The following SGCZ variants were observed in gnomAD, a reference collection of about 807,000 sequenced individuals.
The protein encoded by SGCZ is zeta-sarcoglycan.
A neutral mutation model predicts 41.3 loss-of-function variants in SGCZ; 40 were observed. The observed-to-expected ratio is 0.97, with a 90% CI of 0.75 to 1.26. The LOEUF is 1.26. Among genes scored for constraint, SGCZ ranks in the 50% most tolerant of loss-of-function variants. The pLI is 0.00. For synonymous variants in SGCZ, 206 were observed against 137.5 expected (o/e 1.50, Z -3.49); for missense variants, 552 against 369.8 (o/e 1.49, Z -4.04).
intron 1 of SGCZ, among the ~76,000 whole-genome samples, chr8:14,696,163 G>T (rs1808953965): frequency 6.6e-6 from 1 of 151,992 alleles, no homozygotes; most frequent in Non-Finnish European, 1.5e-5. Flanking sequence ...TTATACATGG[G>T]TTGACATTAT....
chr8:14,814,037 A>G (rs1801819285), intron 1 of SGCZ, among the ~76,000 whole-genome samples: 1 of 152,200 alleles, frequency 6.6e-6, no homozygotes, highest in Non-Finnish European at 1.5e-5. Context: ...TGGAGGCCCT[A>G]GCACAGTATG....
chr8:14,240,119 G>A (rs1362124596), intron 3 of SGCZ, among the ~76,000 whole-genome samples: 1 of 151,640 alleles, frequency 6.6e-6, no homozygotes, highest in Non-Finnish European at 1.5e-5. Flanking sequence ...CTGAGGCCAG[G>A]AGTTTGAAAC....
At chr8:14,421,725 C>T (rs553469106) in intron 2 of SGCZ, among the ~76,000 whole-genome samples, 1 of 152,164 alleles carries the variant, frequency 6.6e-6, no homozygotes, top group East Asian at 1.9e-4. Context: ...TTAATTCATC[C>T]CAAGCGCTAT....
intron 1 of SGCZ, among the ~76,000 whole-genome samples, chr8:14,829,463 T>G (rs910135463): frequency 6.6e-6 from 1 of 152,200 alleles, no homozygotes. Context: ...TCCATGAACT[T>G]CTTGAAGTCC....
At chr8:14,387,313 A>G (rs1804610253) in intron 2 of SGCZ, among the ~76,000 whole-genome samples, 1 of 152,160 alleles carries the variant, frequency 6.6e-6, no homozygotes, top group African/African-American at 2.4e-5. Context: ...TGGTCTCCCA[A>G]AGCACTGAGA....
chr8:14,418,508 A>G (rs947256040), intron 2 of SGCZ, among the ~76,000 whole-genome samples: 1 of 151,940 alleles, frequency 6.6e-6, no homozygotes, highest in Non-Finnish European at 1.5e-5. Flanking sequence ...TAGAAAGGAA[A>G]TTATATTTTA....
intron 1 of SGCZ, among the ~76,000 whole-genome samples, chr8:14,738,185 C>A (rs996987962): frequency 1.3e-5 from 2 of 152,056 alleles, no homozygotes; most frequent in Non-Finnish European, 1.5e-5. Flanking sequence ...CAAAAAATCT[C>A]TGTTTTCAAC....
intron 2 of SGCZ, among the ~76,000 whole-genome samples, chr8:14,391,871 A>C (rs9694407): frequency 0.045 from 6,812 of 152,082 alleles, 496 homozygotes; most frequent in African/African-American, 0.15. Context: ...GGTTGTTTTT[A>C]AGTTGTTTAA....
intron 1 of SGCZ, among the ~76,000 whole-genome samples, chr8:14,913,828 T>C (rs913239325): frequency 1.3e-5 from 2 of 152,098 alleles, no homozygotes; most frequent in Non-Finnish European, 1.5e-5. Context: ...TCTTTAGTCA[T>C]AGGTTTTCCA....
At chr8:14,715,457 G>T (rs770214369) in intron 1 of SGCZ, among the ~76,000 whole-genome samples, 3 of 151,844 alleles carry the variant, frequency 2.0e-5, no homozygotes, top group African/African-American at 2.4e-5. Flanking sequence ...TGGCATAAAG[G>T]TTGCATGTAC....
intron 2 of SGCZ, among the ~76,000 whole-genome samples, chr8:14,501,374 G>A (rs1458073955): frequency 1.3e-5 from 2 of 151,644 alleles, no homozygotes; most frequent in African/African-American, 4.8e-5. Context: ...CAGTTTCTGG[G>A]GAAGTCGATA....
At chr8:14,186,217 A>G (rs967936283) in intron 4 of SGCZ, among the ~76,000 whole-genome samples, 1 of 152,230 alleles carries the variant, frequency 6.6e-6, no homozygotes, top group African/African-American at 2.4e-5. Flanking sequence ...TTTGAAAACA[A>G]CAATTTAATG....
intron 1 of SGCZ, among the ~76,000 whole-genome samples, chr8:14,679,270 A>G (rs182006199): frequency 6.6e-6 from 1 of 152,012 alleles, no homozygotes; most frequent in Non-Finnish European, 1.5e-5. Flanking sequence ...CTTCTTTTGC[A>G]TACATATTTT....
intron 1 of SGCZ, among the ~76,000 whole-genome samples, chr8:14,831,381 T>G (rs547734969): frequency 6.6e-6 from 1 of 152,250 alleles, no homozygotes; most frequent in East Asian, 1.9e-4. Flanking sequence ...AGATAATCTA[T>G]GTGTTATCTG....
chr8:14,485,733 A>G (rs1488165740), intron 2 of SGCZ, among the ~76,000 whole-genome samples: 2 of 151,994 alleles, frequency 1.3e-5, no homozygotes, highest in African/African-American at 4.8e-5. Flanking sequence ...TCTTTCCTCA[A>G]CTCTCACTAG....
intron 1 of SGCZ, among the ~76,000 whole-genome samples, chr8:14,752,249 A>G (rs552777433): frequency 2.0e-4 from 30 of 152,030 alleles, no homozygotes; most frequent in African/African-American, 7.2e-4. Flanking sequence ...TTTGCAGCTG[A>G]ACGTTTCCTG....
rs560957725 is a variant in SGCZ, at chr8:14,447,311, G to GT, written c.234+107420dup. On this transcript the variant is annotated intron_variant, in intron 2 of 7. Transcript: ENST00000382080. ...GGGATTTCCATGGTGTTTAATGCATGTTTTTTTATTTAATTATGAAATCAA... is the reference window on the plus strand; with the variant it reads ...GGGATTTCCATGGTGTTTAATGCATGTTTTTTTTATTTAATTATGAAATCAA... Among the ~76,000 whole-genome samples the GT allele has an allele frequency of 1.1e-3, 171 of 152,140 alleles. 1 individual carries two copies. The highest frequency in any genetic ancestry group is 3.3e-3 in the South Asian group (16 of 4,826).
At chr8:14,263,369 T>C (rs1799743475) in intron 3 of SGCZ, among the ~76,000 whole-genome samples, 1 of 151,988 alleles carries the variant, frequency 6.6e-6, no homozygotes, top group Non-Finnish European at 1.5e-5. Context: ...GCCAACATGA[T>C]GAAACCCCAT....
chr8:14,889,144 C>G (rs1461012559), intron 1 of SGCZ, among the ~76,000 whole-genome samples: 3 of 152,070 alleles, frequency 2.0e-5, no homozygotes, highest in Non-Finnish European at 4.4e-5. Context: ...ATTTAATTTC[C>G]TACCACCTCT....
Sources: gnomAD v4.1 joint callset for allele counts (sites outside exome capture counted in the v4.1 genomes callset) on GRCh38, gnomAD v4.1.1 for gene constraint, MANE v1.5 for transcripts, NCBI Gene and HGNC (gene_info 2026-07-23, HGNC 2026-07-21) for gene names.